RGS7: variants seen among roughly 807,000 people sequenced by gnomAD.
RGS7 encodes regulator of G protein signaling 7.
RGS7 carries 27 observed loss-of-function variants against 81.1 expected under a neutral mutation model. That is an observed-to-expected ratio of 0.33 (90% CI 0.25 to 0.46). The LOEUF is 0.46. RGS7 is among the 20% of genes least tolerant of loss of function. RGS7 has a pLI of 1.00. For synonymous variants in RGS7, 208 were observed against 207.7 expected (o/e 1.00, Z -0.01); for missense variants, 396 against 607.4 (o/e 0.65, Z 3.66).
chr1:241,318,711 G>C (rs1418932162), intron 2 of RGS7, among the ~76,000 whole-genome samples: 1 of 152,028 alleles, frequency 6.6e-6, no homozygotes, highest in African/African-American at 2.4e-5. Context: ...CCCGACCTCA[G>C]GTGATCCACC....
intron 14 of RGS7, among the ~76,000 whole-genome samples, chr1:240,808,315 A>C (rs975438489): frequency 7.2e-5 from 11 of 152,180 alleles, no homozygotes; most frequent in African/African-American, 2.7e-4. Flanking sequence ...GGATTGGAAA[A>C]GGGGGATCTA....
intron 2 of RGS7, among the ~76,000 whole-genome samples, chr1:241,135,350 C>G (rs928888167): frequency 1.8e-4 from 28 of 152,088 alleles, no homozygotes; most frequent in Non-Finnish European, 3.8e-4. Flanking sequence ...TGGCGTGAAC[C>G]CGGGAGGCGG....
chr1:240,929,229 G>A (rs2148337834), intron 6 of RGS7, among the ~76,000 whole-genome samples: 1 of 152,230 alleles, frequency 6.6e-6, no homozygotes, highest in East Asian at 1.9e-4. Flanking sequence ...AGCTGTTCCA[G>A]TGTTCCTCCA....
At chr1:241,114,248 C>G (rs1016181781) in intron 2 of RGS7, among the ~76,000 whole-genome samples, 1 of 152,162 alleles carries the variant, frequency 6.6e-6, no homozygotes, top group Non-Finnish European at 1.5e-5. Flanking sequence ...GAAAGCTAGA[C>G]ACTCCTCAAT....
chr1:241,209,041 G>A (rs2074091782), intron 2 of RGS7, among the ~76,000 whole-genome samples: 1 of 152,212 alleles, frequency 6.6e-6, no homozygotes, highest in African/African-American at 2.4e-5. Flanking sequence ...GATACAGGCT[G>A]ATGATAGTAA....
At chr1:241,165,044 T>C (rs929917608) in intron 2 of RGS7, among the ~76,000 whole-genome samples, 2 of 152,190 alleles carry the variant, frequency 1.3e-5, no homozygotes, top group Admixed American at 1.3e-4. Flanking sequence ...TGCGTTCTCA[T>C]CATTTGATGA....
intron 6 of RGS7, among the ~76,000 whole-genome samples, chr1:240,875,798 A>G (rs1427548429): frequency 6.6e-6 from 1 of 152,204 alleles, no homozygotes; most frequent in African/African-American, 2.4e-5. Context: ...GACGGGGACC[A>G]CCTTTTCACA....
At chr1:240,855,505 A>G (rs1362705035) in intron 9 of RGS7, among the ~76,000 whole-genome samples, 2 of 151,152 alleles carry the variant, frequency 1.3e-5, no homozygotes, top group Non-Finnish European at 2.9e-5. Context: ...GTCACGGCTC[A>G]CTGTGGCCTT....
intron 3 of RGS7, among the ~76,000 whole-genome samples, chr1:241,053,276 T>A (rs2061338849): frequency 6.6e-6 from 1 of 152,156 alleles, no homozygotes; most frequent in Admixed American, 6.5e-5. Context: ...CAGAGGTTAT[T>A]CTGAACAGAC....
At chr1:241,038,485 C>G (rs1171714833) in intron 3 of RGS7, among the ~76,000 whole-genome samples, 1 of 152,118 alleles carries the variant, frequency 6.6e-6, no homozygotes, top group African/African-American at 2.4e-5. Context: ...GCAATGAAAG[C>G]AGATTTGACA....
rs757704447 is a variant in RGS7 at position 240,868,596 on chromosome 1, G to C, written c.600C>G (p.His200Gln). 3 of 1,614,088 alleles carry C rather than the reference G, an allele frequency of 1.9e-6. No individual in the cohort carries two copies. The highest frequency in any genetic ancestry group is 2.5e-6 in the Non-Finnish European group (3 of 1,179,962). Residue 200 changes from histidine (H) to glutamine (Q), a missense_variant, in exon 9 of 19, where the codon CAC becomes CAG. Coordinates refer to ENST00000440928, the MANE Select transcript of RGS7 (RefSeq NM_001364886.1). The surrounding 1 kb of genome is among the most constrained non-coding windows in gnomAD (Gnocchi z 5.1). ...DSQERAFWDV[H>Q]RPVPGCVNTT... ...TGCGACGCTTGCTTACCACGGGCCT[G>C]TGCACGTCCCAGAACGCTCTCTCTT...
chr1:241,088,908 G>A (rs150800657), intron 3 of RGS7, among the ~76,000 whole-genome samples: 6,899 of 150,634 alleles, frequency 0.046, 555 homozygotes, highest in African/African-American at 0.16. Context: ...CTACTCGGGA[G>A]GCTGAGGCAG....
intron 4 of RGS7, among the ~76,000 whole-genome samples, chr1:240,972,992 C>T (rs535418604): frequency 2.0e-5 from 3 of 150,872 alleles, no homozygotes; most frequent in East Asian, 3.9e-4. Flanking sequence ...AAGGGTGCAG[C>T]GGGCCGTGAT....
chr1:241,128,516 C>T (rs2066848894), intron 2 of RGS7, among the ~76,000 whole-genome samples: 3 of 141,276 alleles, frequency 2.1e-5, no homozygotes, highest in Admixed American at 7.1e-5. Context: ...GAACCCGGGG[C>T]GGAGGTTACA....
intron 2 of RGS7, among the ~76,000 whole-genome samples, chr1:241,177,812 T>A (rs1198495627): frequency 2.0e-5 from 3 of 152,184 alleles, no homozygotes; most frequent in African/African-American, 7.2e-5. Context: ...AGATAATTAC[T>A]AGGTCTTAGT....
chr1:241,296,233 G>A (rs1279518123), intron 2 of RGS7, among the ~76,000 whole-genome samples: 1 of 152,112 alleles, frequency 6.6e-6, no homozygotes, highest in Non-Finnish European at 1.5e-5. Context: ...GAAGATAGGA[G>A]AAGATACCAG....
chr1:241,310,064 C>T (rs1035318135), intron 2 of RGS7, among the ~76,000 whole-genome samples: 4 of 152,278 alleles, frequency 2.6e-5, no homozygotes, highest in South Asian at 2.1e-4. Flanking sequence ...AGCTCAAAAA[C>T]GACATTAATC....
intron 6 of RGS7, among the ~76,000 whole-genome samples, chr1:240,881,430 C>T (rs1031899814): frequency 6.6e-6 from 1 of 152,144 alleles, no homozygotes; most frequent in Non-Finnish European, 1.5e-5. Context: ...AGCAAACCAA[C>T]ATGGCACATG....
At chr1:241,046,006 CTT>C (rs150907914) in intron 3 of RGS7, among the ~76,000 whole-genome samples, 1 of 151,930 alleles carries the variant, frequency 6.6e-6, no homozygotes, top group Non-Finnish European at 1.5e-5. Flanking sequence ...GGCATTTAGA[CTT>C]TTTTTCTCTT....
Sources: allele counts gnomAD v4.1 joint callset (sites outside exome capture counted in the v4.1 genomes callset), GRCh38; gene constraint gnomAD v4.1.1; non-coding constraint Gnocchi (gnomAD v3.1); transcripts MANE v1.5; gene names NCBI Gene and HGNC (gene_info 2026-07-23, HGNC 2026-07-21).